Variants in TTC28 observed in about 807,000 individuals in gnomAD.
The protein encoded by TTC28 is tetratricopeptide repeat domain 28, also known as tetratricopeptide repeat protein 28.
TTC28 carries 61 observed loss-of-function variants against 198.0 expected under a neutral mutation model. The observed-to-expected ratio is 0.31, with a 90% confidence interval of 0.25 to 0.38. The LOEUF (loss-of-function observed/expected upper bound fraction) is 0.38. Ranked by LOEUF, TTC28 falls within the 10% of genes least tolerant of loss-of-function variation. TTC28 has a pLI of 1.00. For missense variants in TTC28, 2,678 were observed against 3,164.0 expected (o/e 0.85, Z 3.69); for synonymous variants, 1,171 against 1,297.8 (o/e 0.90, Z 2.10).
chr22:28,455,076 A>T (rs1219821542), intron 2 of TTC28, among the ~76,000 whole-genome samples: 1 of 152,196 alleles, frequency 6.6e-6, no homozygotes, highest in African/African-American at 2.4e-5. Flanking sequence ...GTGCACATAT[A>T]AGAAAACTAT....
chr22:28,034,490 G>A (rs1231427159), intron 12 of TTC28, among the ~76,000 whole-genome samples: 1 of 152,148 alleles, frequency 6.6e-6, no homozygotes, highest in African/African-American at 2.4e-5. Flanking sequence ...TGAAGATTCT[G>A]GCTCAGACAT....
intron 1 of TTC28, among the ~76,000 whole-genome samples, chr22:28,663,084 T>C (rs1243365397): frequency 6.6e-6 from 1 of 151,640 alleles, no homozygotes; most frequent in Non-Finnish European, 1.5e-5. Flanking sequence ...CCGTCTGTAC[T>C]AAAAATACAA....
chr22:28,391,047 A>T lies in TTC28; in HGVS notation c.382-84404T>A, dbSNP rs1012133733. Among the ~76,000 whole-genome samples the T allele has an allele frequency of 4.2e-4, 64 of 152,078 alleles. 1 individual carries two copies. Among genetic ancestry groups the T allele is most frequent in the African/African-American group, 1.4e-3 (60 of 41,484 alleles). ...TTTAGGGCAGGCCTGGTGGTGACAA[A>T]ATCTCTCAGCATTTGCTTGTCTGTA... is the stretch of plus-strand genomic sequence containing the variant. On this transcript the variant is annotated intron_variant, in intron 2 of 22. Coordinates refer to ENST00000397906, the MANE Select transcript of TTC28 (RefSeq NM_001145418.2).
At chr22:28,476,212 C>T (rs1388223829) in intron 2 of TTC28, among the ~76,000 whole-genome samples, 2 of 152,134 alleles carry the variant, frequency 1.3e-5, no homozygotes, top group African/African-American at 4.8e-5. Flanking sequence ...CCTTTTTTGA[C>T]ATAGTTTTAT....
chr22:28,500,593 ATTAGT>A (rs2048523603), intron 2 of TTC28, among the ~76,000 whole-genome samples: 1 of 152,190 alleles, frequency 6.6e-6, no homozygotes, highest in African/African-American at 2.4e-5. Context: ...TAACATTCAG[ATTAGT>A]TTAATCTTTT....
At chr22:28,341,743 TTGTGCCACTGC>T (rs2045832920) in intron 2 of TTC28, among the ~76,000 whole-genome samples, 1 of 152,060 alleles carries the variant, frequency 6.6e-6, no homozygotes, top group African/African-American at 2.4e-5. Context: ...TGAACCGAGA[TTGTGCCACTGC>T]ACTCCAGCCT....
intron 2 of TTC28, among the ~76,000 whole-genome samples, chr22:28,387,750 T>C (rs1490875339): frequency 6.6e-6 from 1 of 152,238 alleles, no homozygotes; most frequent in Non-Finnish European, 1.5e-5. Context: ...ATTAGCCCTT[T>C]GTCAGATGAG....
At position 28,457,437 on chromosome 22, in the gene TTC28, A is replaced by G. The variant is rs1011917678; in HGVS notation, c.382-150794T>C. On this transcript the variant is annotated intron_variant, in intron 2 of 22. Transcript: ENST00000397906. ...ATAAAATTTTTAAAGTCTAATCTTAAAATACAATGACAATCCTATGTGTTA... is the reference window on the plus strand; with the variant it reads ...ATAAAATTTTTAAAGTCTAATCTTAGAATACAATGACAATCCTATGTGTTA... Among the ~76,000 whole-genome samples, 5 of 152,350 alleles carry G rather than the reference A, an allele frequency of 3.3e-5. No homozygotes were observed. In the Middle Eastern group the frequency reaches 0.01, roughly 311 times the overall value.
chr22:28,340,835 C>A (rs1226921020), intron 2 of TTC28, among the ~76,000 whole-genome samples: 3 of 152,058 alleles, frequency 2.0e-5, no homozygotes, highest in African/African-American at 7.2e-5. Flanking sequence ...TACAGGAACC[C>A]CTAATAAACA....
chr22:28,426,420 C>T (rs1483904662), intron 2 of TTC28, among the ~76,000 whole-genome samples: 1 of 152,052 alleles, frequency 6.6e-6, no homozygotes, highest in Non-Finnish European at 1.5e-5. Context: ...CAAAGTCAGG[C>T]TTACATAGTC....
chr22:27,988,541 G>A (rs1293456828), intron 21 of TTC28, among the ~76,000 whole-genome samples: 1 of 151,998 alleles, frequency 6.6e-6, no homozygotes, highest in South Asian at 2.1e-4. Flanking sequence ...ACCCACCTCA[G>A]CCTCCCAAAG....
chr22:28,306,671 T>C, intron 2 of TTC28, 28 bp from the exon 3 acceptor site: 1 of 1,549,956 alleles, frequency 6.5e-7, no homozygotes, highest in East Asian at 2.4e-5. Context: ...ATAAGATATA[T>C]AATGCCTGTG....
At chr22:28,088,448 C>T (rs1476377193) in intron 12 of TTC28, among the ~76,000 whole-genome samples, 1 of 152,144 alleles carries the variant, frequency 6.6e-6, no homozygotes, top group African/African-American at 2.4e-5. Context: ...GCTGAGAAAA[C>T]TGGCTAGCCA....
chr22:28,254,407 G>A (rs943833244), intron 5 of TTC28, among the ~76,000 whole-genome samples: 4 of 151,608 alleles, frequency 2.6e-5, no homozygotes, highest in African/African-American at 9.7e-5. Flanking sequence ...AAGTGAAGAA[G>A]CAATTACAAG....
intron 1 of TTC28, among the ~76,000 whole-genome samples, chr22:28,650,449 C>A (rs2051546988): frequency 6.6e-6 from 1 of 152,070 alleles, no homozygotes; most frequent in Non-Finnish European, 1.5e-5. Flanking sequence ...CTGAAGATAC[C>A]CAGTAATCTT....
chr22:28,362,952 T>C (rs2046182178), intron 2 of TTC28, among the ~76,000 whole-genome samples: 1 of 152,012 alleles, frequency 6.6e-6, no homozygotes, highest in African/African-American at 2.4e-5. Flanking sequence ...AGCCTGACAA[T>C]GCCATAGAAA....
intron 12 of TTC28, among the ~76,000 whole-genome samples, chr22:28,060,403 A>T (rs1225339934): frequency 6.6e-6 from 1 of 152,190 alleles, no homozygotes; most frequent in Non-Finnish European, 1.5e-5. Flanking sequence ...AGCTTCATCC[A>T]TGTCTCTACA....
intron 12 of TTC28, among the ~76,000 whole-genome samples, chr22:28,046,550 A>G (rs1235937893): frequency 6.6e-6 from 1 of 152,380 alleles, no homozygotes; most frequent in African/African-American, 2.4e-5. Context: ...TATGTGGTAC[A>G]TGACTATTTA....
intron 2 of TTC28, among the ~76,000 whole-genome samples, chr22:28,613,661 A>T (rs1220884968): frequency 6.6e-6 from 1 of 152,208 alleles, no homozygotes; most frequent in African/African-American, 2.4e-5. Flanking sequence ...AAATAAATAA[A>T]TCCATCATAT....
Sources: allele counts gnomAD v4.1 joint callset (sites outside exome capture counted in the v4.1 genomes callset), GRCh38; gene constraint gnomAD v4.1.1; transcripts MANE v1.5; gene names NCBI Gene and HGNC (gene_info 2026-07-23, HGNC 2026-07-21).